DPP10: variants seen among roughly 807,000 people sequenced by gnomAD.
DPP10 encodes inactive dipeptidyl peptidase 10.
Under a neutral mutation model 120.9 loss-of-function variants are expected in DPP10, and 33 were observed. The ratio of observed to expected loss-of-function variants is 0.27; its 90% confidence interval spans 0.21 to 0.37. DPP10 has a LOEUF of 0.37. Ranked by LOEUF, DPP10 falls within the 10% of genes least tolerant of loss-of-function variation. DPP10 has a pLI of 1.00. For synonymous variants in DPP10, 337 were observed against 326.1 expected (o/e 1.03, Z -0.36); for missense variants, 816 against 942.8 (o/e 0.87, Z 1.76).
At chr2:114,518,777 A>T (rs1362033572) in intron 1 of DPP10, among the ~76,000 whole-genome samples, 3 of 152,224 alleles carry the variant, frequency 2.0e-5, no homozygotes, top group Non-Finnish European at 2.9e-5. Context: ...GGTAAATATT[A>T]TGGTCATCAT....
chr2:114,680,133 C>A (rs898281927), intron 1 of DPP10, among the ~76,000 whole-genome samples: 1 of 151,894 alleles, frequency 6.6e-6, no homozygotes, highest in African/African-American at 2.4e-5. Context: ...AATACTGTAA[C>A]GTCAGTGTCT....
intron 1 of DPP10, among the ~76,000 whole-genome samples, chr2:114,708,381 G>A (rs1183439205): frequency 2.0e-5 from 3 of 152,174 alleles, no homozygotes; most frequent in Non-Finnish European, 4.4e-5. Context: ...TTCTCCTTAT[G>A]TCAGGACACT....
intron 1 of DPP10, among the ~76,000 whole-genome samples, chr2:115,006,586 GA>G (rs2105048852): frequency 6.8e-6 from 1 of 146,606 alleles, no homozygotes; most frequent in African/African-American, 2.5e-5. Context: ...TGATAAAACA[GA>G]CTTTAAACCA....
At chr2:115,571,052 G>A (rs1360051973) in intron 5 of DPP10, among the ~76,000 whole-genome samples, 3 of 152,260 alleles carry the variant, frequency 2.0e-5, no homozygotes, top group African/African-American at 7.2e-5. Context: ...CACATCTAAT[G>A]TCTGAAGAAG....
rs570184821 is a variant in DPP10, at chr2:115,258,514, T to G, written c.61-50725T>G. 2.0e-5 allele frequency among the ~76,000 whole-genome samples: 3 copies of G among 152,014 alleles called. No homozygotes were observed. In the East Asian group the frequency reaches 5.8e-4, roughly 29 times the overall value. ...AAAAAATCTTTAAAATGTTGTTAAA[T>G]AAATTATAATTAAATTGAAAATCAC... On this transcript the variant is annotated intron_variant, in intron 1 of 25. Transcript: ENST00000410059.
At chr2:115,434,818 C>G (rs955292311) in intron 3 of DPP10, among the ~76,000 whole-genome samples, 1 of 151,704 alleles carries the variant, frequency 6.6e-6, no homozygotes, top group Non-Finnish European at 1.5e-5. Context: ...ACCAACTTCT[C>G]TTCATCCCTC....
chr2:115,350,528 G>T (rs373186269), intron 3 of DPP10, among the ~76,000 whole-genome samples: 1 of 152,176 alleles, frequency 6.6e-6, no homozygotes, highest in East Asian at 1.9e-4. Flanking sequence ...CATTATGGTA[G>T]ATGCATTCAG....
rs369067595 is a variant in DPP10, at chr2:114,663,314, A to G, written c.60+220476A>G. Reference sequence around the variant, plus strand: ...TACATATACATATATACATACACATATATGTATGAAATGAGTGAGCTCTGG... The same window carrying G: ...TACATATACATATATACATACACATGTATGTATGAAATGAGTGAGCTCTGG... On this transcript the variant is annotated intron_variant, in intron 1 of 25. Coordinates refer to ENST00000410059, the MANE Select transcript of DPP10 (RefSeq NM_020868.6). Among the ~76,000 whole-genome samples the G allele has an allele frequency of 9.3e-5, 14 of 150,180 alleles. No individual in the cohort carries two copies. The East Asian group carries it at 2.5e-3, about 27-fold the overall frequency.
intron 5 of DPP10, among the ~76,000 whole-genome samples, chr2:115,662,766 G>A (rs1234737556): frequency 2.6e-5 from 4 of 152,082 alleles, no homozygotes; most frequent in Admixed American, 2.6e-4. Context: ...ATTGTTGCTT[G>A]TAGTCAAGAA....
chr2:115,365,241 C>T (rs570551668), intron 3 of DPP10, among the ~76,000 whole-genome samples: 5 of 151,982 alleles, frequency 3.3e-5, no homozygotes, highest in African/African-American at 4.8e-5. Context: ...TGCATGACAG[C>T]GGGGCAGATG....
At chr2:115,797,785 C>A (rs2149948887) in intron 19 of DPP10, among the ~76,000 whole-genome samples, 1 of 151,978 alleles carries the variant, frequency 6.6e-6, no homozygotes, top group Middle Eastern at 3.4e-3. Context: ...TCAGCATTAA[C>A]TTCTTACCAC....
intron 5 of DPP10, among the ~76,000 whole-genome samples, chr2:115,535,194 A>G (rs1317072471): frequency 2.6e-5 from 4 of 151,926 alleles, no homozygotes; most frequent in South Asian, 2.1e-4. Context: ...GCCCATGCCT[A>G]TGTCCTGAAT....
chr2:115,172,580 A>C (rs1044998014), intron 1 of DPP10, among the ~76,000 whole-genome samples: 3 of 152,182 alleles, frequency 2.0e-5, no homozygotes, highest in African/African-American at 7.2e-5. Context: ...ACCTGACGTT[A>C]AACCCTAGAA....
chr2:114,499,020 C>T (rs1023180440), intron 1 of DPP10, among the ~76,000 whole-genome samples: 1 of 152,170 alleles, frequency 6.6e-6, no homozygotes, highest in Non-Finnish European at 1.5e-5. Context: ...ATCTGGAGGA[C>T]AACATGCTGA....
intron 5 of DPP10, among the ~76,000 whole-genome samples, chr2:115,626,083 T>A (rs2085335480): frequency 2.0e-5 from 3 of 150,172 alleles, no homozygotes; most frequent in South Asian, 4.2e-4. Context: ...AACTAAAAAA[T>A]AGTTACCTCT....
intron 1 of DPP10, among the ~76,000 whole-genome samples, chr2:114,598,767 T>C (rs182176781): frequency 1.4e-4 from 22 of 152,010 alleles, no homozygotes; most frequent in African/African-American, 4.6e-4. Flanking sequence ...GTTAGCTTCA[T>C]TGGGGGCAGA....
At chr2:115,494,428 C>T (rs2076286977) in intron 3 of DPP10, among the ~76,000 whole-genome samples, 1 of 152,032 alleles carries the variant, frequency 6.6e-6, no homozygotes, top group South Asian at 2.1e-4. Context: ...GATATTGAAG[C>T]CATTTCTAAT....
intron 7 of DPP10, among the ~76,000 whole-genome samples, chr2:115,723,610 T>C (rs1383743702): frequency 6.2e-5 from 7 of 112,492 alleles, no homozygotes; most frequent in East Asian, 3.0e-4. Flanking sequence ...GTTGTTGTTG[T>C]TGTTGTTTTT....
intron 1 of DPP10, among the ~76,000 whole-genome samples, chr2:115,138,024 A>T (rs918401025): frequency 6.6e-6 from 1 of 152,200 alleles, no homozygotes; most frequent in African/African-American, 2.4e-5. Flanking sequence ...AGGCACGGGG[A>T]TGCATAACAC....
Sources: allele counts gnomAD v4.1 joint callset (sites outside exome capture counted in the v4.1 genomes callset), GRCh38; gene constraint gnomAD v4.1.1; transcripts MANE v1.5; gene names NCBI Gene and HGNC (gene_info 2026-07-23, HGNC 2026-07-21).